Variants in ANO2 observed in about 807,000 individuals in gnomAD.
The protein encoded by ANO2 is anoctamin-2.
A neutral mutation model predicts 124.2 loss-of-function variants in ANO2; 101 were observed. The ratio of observed to expected loss-of-function variants is 0.81; its 90% CI spans 0.69 to 0.96. The LOEUF is 0.96. Among genes scored for constraint, ANO2 ranks in the 40% least tolerant of loss-of-function variants. The probability of loss-of-function intolerance (pLI) is 0.00; values close to 1 mark genes in which losing one functional copy is unlikely to be tolerated. For missense variants in ANO2, 1,293 were observed against 1,274.5 expected (o/e 1.01, Z -0.22); for synonymous variants, 486 against 482.5 (o/e 1.01, Z -0.09).
At chr12:5,778,761 T>C (rs773101992) in intron 10 of ANO2, among the ~76,000 whole-genome samples, 1 of 152,176 alleles carries the variant, frequency 6.6e-6, no homozygotes, top group Non-Finnish European at 1.5e-5. Context: ...AAGGTATGTG[T>C]CATAGGAGAT....
intron 20 of ANO2, among the ~76,000 whole-genome samples, chr12:5,590,676 G>A (rs1943351317): frequency 6.6e-6 from 1 of 152,196 alleles, no homozygotes; most frequent in Admixed American, 6.5e-5. Flanking sequence ...AAAAGAATGA[G>A]AAGAGCAGGC....
intron 1 of ANO2, among the ~76,000 whole-genome samples, chr12:5,923,259 C>CACACACACATGCACACATACACACACAT (rs1565784577): frequency 1.1e-4 from 1 of 9,208 alleles, no homozygotes; most frequent in Non-Finnish European, 2.3e-4. Flanking sequence ...CACACACATA[C>CACACACACATGCACACATACACACACAT]ACACACACAC....
At chr12:5,811,733 T>A (rs1019483105) in intron 7 of ANO2, among the ~76,000 whole-genome samples, 1 of 152,118 alleles carries the variant, frequency 6.6e-6, no homozygotes, top group African/African-American at 2.4e-5. Context: ...GCCCTGACAA[T>A]TGACCTTAGG....
chr12:5,740,666 G>A (rs536147715), intron 12 of ANO2, among the ~76,000 whole-genome samples: 3 of 152,272 alleles, frequency 2.0e-5, no homozygotes, highest in East Asian at 3.9e-4. Context: ...AGGCATCCGA[G>A]CTGATTTTTG....
intron 7 of ANO2, among the ~76,000 whole-genome samples, chr12:5,814,431 C>G (rs1278365116): frequency 9.2e-5 from 14 of 152,256 alleles, no homozygotes; most frequent in Admixed American, 9.2e-4. Flanking sequence ...AGCCATGTGG[C>G]TTGCTCCCTG....
At chr12:5,909,563 T>G (rs980496610) in intron 3 of ANO2, among the ~76,000 whole-genome samples, 11 of 152,200 alleles carry the variant, frequency 7.2e-5, no homozygotes, top group Admixed American at 2.0e-4. Flanking sequence ...AACCCAGGTC[T>G]TCCAGTGCTC....
intron 16 of ANO2, among the ~76,000 whole-genome samples, chr12:5,618,706 T>C (rs955430984): frequency 5.3e-5 from 8 of 152,156 alleles, no homozygotes; most frequent in Non-Finnish European, 1.2e-4. Flanking sequence ...GCCTAAGAAA[T>C]ATTTGTACTT....
intron 15 of ANO2, among the ~76,000 whole-genome samples, chr12:5,644,603 CATT>C (rs1176635005): frequency 6.6e-6 from 1 of 152,296 alleles, no homozygotes; most frequent in South Asian, 2.1e-4. Context: ...TGAGAATTGG[CATT>C]ATTATTTTCA....
chr12:5,848,117 A>C (rs1196977149), intron 4 of ANO2, among the ~76,000 whole-genome samples: 1 of 152,224 alleles, frequency 6.6e-6, no homozygotes, highest in Non-Finnish European at 1.5e-5. Flanking sequence ...CATGAAGAAC[A>C]TTGCAGAAGC....
intron 23 of ANO2, among the ~76,000 whole-genome samples, chr12:5,572,102 C>G: frequency 6.6e-6 from 1 of 152,202 alleles, no homozygotes; most frequent in East Asian, 1.9e-4. Context: ...TTGATCTCAT[C>G]ACTGCCCTCT....
At chr12:5,812,701 AG>A (rs1565688474) in intron 7 of ANO2, among the ~76,000 whole-genome samples, 1 of 19,724 alleles carries the variant, frequency 5.1e-5, no homozygotes, top group East Asian at 2.9e-3. Context: ...AGAAAGAGAA[AG>A]AAAAGAAGAA....
chr12:5,574,174 G>A (rs1291336487), intron 23 of ANO2, among the ~76,000 whole-genome samples: 3 of 152,166 alleles, frequency 2.0e-5, no homozygotes, highest in Admixed American at 1.3e-4. Context: ...TATGAGGTAG[G>A]ATCTTTGGTC....
At chr12:5,583,897 TG>T (rs1477106556) in intron 20 of ANO2, 1 of 212,220 alleles carries the variant, frequency 4.7e-6, no homozygotes. Context: ...AAGAGCACCA[TG>T]GTCAACCTCA....
At chr12:5,656,227 C>T (rs920041915) in intron 14 of ANO2, among the ~76,000 whole-genome samples, 4 of 152,212 alleles carry the variant, frequency 2.6e-5, no homozygotes, top group Admixed American at 2.0e-4. Context: ...TGAGGACCCT[C>T]AAATTCTTAT....
chr12:5,917,779 G>A (rs1403643027), intron 3 of ANO2, among the ~76,000 whole-genome samples: 6 of 151,902 alleles, frequency 3.9e-5, no homozygotes, highest in Non-Finnish European at 8.8e-5. Flanking sequence ...GTGTTGGCCA[G>A]GCTGGTCTCA....
chr12:5,672,328 A>T (rs112716181), intron 14 of ANO2, among the ~76,000 whole-genome samples: 1 of 152,246 alleles, frequency 6.6e-6, no homozygotes, highest in East Asian at 1.9e-4. Flanking sequence ...TTTACAAGGC[A>T]TGCTGAGTTG....
chr12:5,838,725 G>A (rs563185460), intron 4 of ANO2, among the ~76,000 whole-genome samples: 9 of 152,140 alleles, frequency 5.9e-5, no homozygotes, highest in South Asian at 2.1e-4. Context: ...ATGAATACCC[G>A]CCTCATAAAA....
rs370665617 is a variant in ANO2, at chr12:5,898,717, G to A, written c.534+22323C>T. On this transcript the variant is annotated intron_variant, in intron 3 of 24. Transcript: ENST00000682330. ...TGATGCTAGAAGTCAGAATAGTCAC[G>A]ACCTTTGGGTGGTGGGGGTAGGGTC... 1.7e-4 allele frequency among the ~76,000 whole-genome samples: 26 copies of A among 152,310 alleles called. No homozygotes were observed. The East Asian group carries it at 3.1e-3, about 18-fold the overall frequency.
At chr12:5,786,323 C>T (rs985187261) in intron 10 of ANO2, among the ~76,000 whole-genome samples, 2 of 152,146 alleles carry the variant, frequency 1.3e-5, no homozygotes, top group Non-Finnish European at 2.9e-5. Context: ...AGTAGACCCA[C>T]CTAGAGTGTC....
Sources: allele counts gnomAD v4.1 joint callset (sites outside exome capture counted in the v4.1 genomes callset), GRCh38; gene constraint gnomAD v4.1.1; transcripts MANE v1.5; gene names NCBI Gene and HGNC (gene_info 2026-07-23, HGNC 2026-07-21).